Variants in SGCZ observed in about 807,000 individuals in gnomAD.
SGCZ encodes the protein zeta-sarcoglycan.
Under a neutral mutation model 41.3 loss-of-function variants are expected in SGCZ, and 40 were observed. The ratio of observed to expected loss-of-function variants is 0.97; its 90% CI spans 0.75 to 1.26. The LOEUF is 1.26. Ranked by LOEUF, SGCZ falls within the 50% of genes most tolerant of loss-of-function variation. The probability of loss-of-function intolerance (pLI) is 0.00; values close to 1 mark genes in which losing one functional copy is unlikely to be tolerated. For missense variants in SGCZ, 552 were observed against 369.8 expected, an observed-to-expected ratio of 1.49 and a Z score of -4.04; for synonymous variants, 206 against 137.5, an observed-to-expected ratio of 1.50 and a Z score of -3.49.
At chr8:14,118,321 G>A (rs183536849) in intron 5 of SGCZ, among the ~76,000 whole-genome samples, 2 of 152,314 alleles carry the variant, frequency 1.3e-5, no homozygotes, top group East Asian at 3.9e-4. Flanking sequence ...CTAATGACCA[G>A]TGATGGTGAG....
intron 1 of SGCZ, among the ~76,000 whole-genome samples, chr8:14,645,478 T>TTTTATATATATATATATATTTA (rs1554472104): frequency 9.4e-6 from 1 of 106,594 alleles, no homozygotes; most frequent in African/African-American, 2.9e-5. Context: ...ATATATATAT[T>TTTTATATATATATATATATTTA]TATATGTATA....
intron 1 of SGCZ, among the ~76,000 whole-genome samples, chr8:15,004,679 C>A (rs182681020): frequency 6.6e-6 from 1 of 152,320 alleles, no homozygotes; most frequent in African/African-American, 2.4e-5. Flanking sequence ...TAAATTATCT[C>A]TTGGCAGAAA....
chr8:14,868,865 CA>C (rs1804034830), intron 1 of SGCZ, among the ~76,000 whole-genome samples: 2 of 152,016 alleles, frequency 1.3e-5, no homozygotes, highest in South Asian at 4.2e-4. Flanking sequence ...CCTGGACACA[CA>C]CACCCTCCCA....
intron 3 of SGCZ, among the ~76,000 whole-genome samples, chr8:14,241,113 G>T (rs373892648): frequency 3.3e-5 from 5 of 152,040 alleles, no homozygotes; most frequent in South Asian, 2.1e-4. Flanking sequence ...TTCTCCAAAG[G>T]TCTCTGTATG....
intron 2 of SGCZ, among the ~76,000 whole-genome samples, chr8:14,545,702 A>G (rs2117163345): frequency 6.6e-6 from 1 of 152,146 alleles, no homozygotes; most frequent in East Asian, 1.9e-4. Flanking sequence ...TAGATAAAAA[A>G]GGGCACTAAA....
At chr8:14,367,262 A>G (rs1257823687) in intron 2 of SGCZ, among the ~76,000 whole-genome samples, 2 of 152,160 alleles carry the variant, frequency 1.3e-5, no homozygotes, top group African/African-American at 2.4e-5. Context: ...TCAGCCTGGA[A>G]TTCATTATCC....
At chr8:14,336,439 C>A (rs952516876) in intron 2 of SGCZ, among the ~76,000 whole-genome samples, 1 of 152,084 alleles carries the variant, frequency 6.6e-6, no homozygotes, top group Non-Finnish European at 1.5e-5. Context: ...GATTATATTC[C>A]TTTGGGTATA....
chr8:14,291,871 T>C (rs1249112013), intron 3 of SGCZ, among the ~76,000 whole-genome samples: 1 of 152,068 alleles, frequency 6.6e-6, no homozygotes, highest in African/African-American at 2.4e-5. Flanking sequence ...TTCTTCCACT[T>C]ACCAAAAACA....
chr8:14,645,905 G>C (rs1476343234), intron 1 of SGCZ, among the ~76,000 whole-genome samples: 1 of 149,052 alleles, frequency 6.7e-6, no homozygotes, highest in African/African-American at 2.5e-5. Flanking sequence ...TGTACCTCAT[G>C]ATATTTTAAT....
rs1028461721 is a variant in SGCZ at position 14,455,026 on chromosome 8, T to A, written c.234+99706A>T. ...AGCAATCAAATAGAAGATTAACACA[T>A]CTGACTACACAAATCTTTTAAAAAT... On this transcript the variant is annotated intron_variant, in intron 2 of 7. Coordinates refer to ENST00000382080, the MANE Select transcript of SGCZ (RefSeq NM_139167.4). 2.0e-5 allele frequency among the ~76,000 whole-genome samples: 3 copies of A among 152,020 alleles called. No homozygotes were observed. The South Asian group carries it at 6.2e-4, about 32-fold the overall frequency.
intron 1 of SGCZ, among the ~76,000 whole-genome samples, chr8:14,846,718 A>C (rs1051291479): frequency 6.6e-6 from 1 of 150,706 alleles, no homozygotes; most frequent in African/African-American, 2.4e-5. Context: ...AAAAAAAAAA[A>C]AAAAAAAAAA....
intron 1 of SGCZ, among the ~76,000 whole-genome samples, chr8:14,799,177 C>G (rs1801233119): frequency 1.3e-5 from 2 of 152,048 alleles, no homozygotes; most frequent in South Asian, 4.2e-4. Flanking sequence ...AAGACACTTA[C>G]TTTATAAAGA....
intron 1 of SGCZ, among the ~76,000 whole-genome samples, chr8:15,190,400 GC>G (rs1800494824): frequency 6.6e-6 from 1 of 151,860 alleles, no homozygotes; most frequent in Non-Finnish European, 1.5e-5. Flanking sequence ...CATGCAATAG[GC>G]TTGACACGGC....
intron 4 of SGCZ, among the ~76,000 whole-genome samples, chr8:14,190,554 A>G (rs1426590578): frequency 1.3e-5 from 2 of 152,068 alleles, no homozygotes; most frequent in Admixed American, 6.6e-5. Context: ...TCCTTTGGAT[A>G]TGTACACAGA....
chr8:15,035,483 T>C (rs1302066378), intron 1 of SGCZ, among the ~76,000 whole-genome samples: 2 of 152,094 alleles, frequency 1.3e-5, no homozygotes, highest in East Asian at 3.8e-4. Flanking sequence ...AAAATATCAG[T>C]TGTAAATCGT....
rs1281571245 is a variant in SGCZ, at chr8:14,471,313, CATTA to C, written c.234+83415_234+83418del. Among the ~76,000 whole-genome samples the C allele has an allele frequency of 8.5e-5, 13 of 152,242 alleles. No homozygotes were observed. The South Asian group carries it at 2.1e-3, about 24-fold the overall frequency. ...GAATAATTTGCAGTGCTGAAAAATA[CATTA>C]ATTAGCGTATGCTTATAAATCATAC... On this transcript the variant is annotated intron_variant, in intron 2 of 7. Transcript: ENST00000382080.
chr8:14,599,234 C>T (rs558476271), intron 1 of SGCZ, among the ~76,000 whole-genome samples: 2 of 147,704 alleles, frequency 1.4e-5, no homozygotes, highest in South Asian at 4.4e-4. Context: ...AACCAGCACT[C>T]CCACTATTTC....
intron 1 of SGCZ, among the ~76,000 whole-genome samples, chr8:15,135,726 G>A (rs1371789644): frequency 6.6e-6 from 1 of 151,856 alleles, no homozygotes; most frequent in African/African-American, 2.4e-5. Flanking sequence ...CCCCAGAACT[G>A]GGGCTTGGCC....
At chr8:14,544,945 T>C (rs566052910) in intron 2 of SGCZ, among the ~76,000 whole-genome samples, 2 of 152,250 alleles carry the variant, frequency 1.3e-5, no homozygotes, top group East Asian at 3.9e-4. Flanking sequence ...ATGTGATCTT[T>C]GTACCTACTC....
Sources: gnomAD v4.1 joint callset for allele counts (sites outside exome capture counted in the v4.1 genomes callset) on GRCh38, gnomAD v4.1.1 for gene constraint, MANE v1.5 for transcripts, NCBI Gene and HGNC (gene_info 2026-07-23, HGNC 2026-07-21) for gene names.